Variants in PLEKHA6 observed in about 807,000 individuals in gnomAD.
PLEKHA6 encodes pleckstrin homology domain containing A6.
A neutral mutation model predicts 116.7 loss-of-function variants in PLEKHA6; 60 were observed. That is an observed-to-expected ratio of 0.51 (90% CI 0.42 to 0.64). PLEKHA6 has a LOEUF of 0.64. PLEKHA6 is among the 30% of genes least tolerant of loss of function. The probability of loss-of-function intolerance (pLI) is 0.00; values close to 1 mark genes in which losing one functional copy is unlikely to be tolerated. For missense variants in PLEKHA6, 1,338 were observed against 1,422.7 expected, an observed-to-expected ratio of 0.94 and a Z score of 0.96; for synonymous variants, 489 against 556.1, an observed-to-expected ratio of 0.88 and a Z score of 1.70.
rs961940969 is a variant in PLEKHA6, at chr1:204,223,497, G to A, written c.3120C>T (p.Ala1040=). Reference sequence around the variant, plus strand: ...AGACCCGCATGGTATAGCTGCTGTCGGCGCCCCGTGGGGATTCAGACGACA... The same window carrying A: ...AGACCCGCATGGTATAGCTGCTGTCAGCGCCCCGTGGGGATTCAGACGACA... ...NPLSSESPRG[A]DSSYTMRV is the part of the protein sequence containing the mutation. Residue 1040 remains alanine (A), a synonymous_variant, in exon 22 of 23, where the codon GCC becomes GCT. Coordinates refer to ENST00000272203, the MANE Select transcript of PLEKHA6 (RefSeq NM_014935.5). The surrounding 1 kb of genome is among the most constrained non-coding windows in gnomAD (Gnocchi z 4.8). The A allele has an allele frequency of 9.3e-5, 144 of 1,549,234 alleles. No homozygotes were observed. Among genetic ancestry groups the A allele is most frequent in the Non-Finnish European group, 1.2e-4 (136 of 1,144,964 alleles).
At chr1:204,324,520 A>G (rs1376120604) in intron 1 of PLEKHA6, among the ~76,000 whole-genome samples, 2 of 152,194 alleles carry the variant, frequency 1.3e-5, no homozygotes, top group Non-Finnish European at 2.9e-5. Context: ...TCTCACCATC[A>G]ATAAGACAAG....
intron 1 of PLEKHA6, chr1:204,296,952 G>C (rs771040616): frequency 1.0e-5 from 2 of 199,232 alleles, no homozygotes; most frequent in Non-Finnish European, 1.8e-5. Context: ...GCAGTACCAT[G>C]GAAAGCTTAT....
At chr1:204,260,979 C>G (rs1047431032) in intron 7 of PLEKHA6, among the ~76,000 whole-genome samples, 7 of 152,178 alleles carry the variant, frequency 4.6e-5, no homozygotes, top group African/African-American at 1.7e-4. Context: ...TATTTTCCTC[C>G]AAAGGCGGTG....
intron 1 of PLEKHA6, among the ~76,000 whole-genome samples, chr1:204,321,018 G>A (rs1672042703): frequency 1.3e-5 from 2 of 152,142 alleles, no homozygotes; most frequent in Admixed American, 6.5e-5. Context: ...AGATGATGAA[G>A]GGGGAGGTCC....
At chr1:204,248,682 G>GT in intron 12 of PLEKHA6, 139 bp downstream of exon 12, 1 of 681,058 alleles carries the variant, frequency 1.5e-6, no homozygotes, top group Non-Finnish European at 2.5e-6. Flanking sequence ...TGAGGTCTTT[G>GT]TTTATGCCCC....
Position 204,326,452 on chromosome 1 carries a change from C to T in PLEKHA6, c.-95+33242G>A, listed in dbSNP as rs567057591. Among the ~76,000 whole-genome samples the T allele has an allele frequency of 3.0e-4, 46 of 152,362 alleles. 1 individual carries two copies. The South Asian group carries it at 9.5e-3, about 32-fold the overall frequency. ...CCATGAGAGCACAGATAGACAGAGG[C>T]TTCCCAGCTCTCATTCTAACAAGAC... On this transcript the variant is annotated intron_variant, in intron 1 of 22. Transcript: ENST00000272203.
intron 1 of PLEKHA6, among the ~76,000 whole-genome samples, chr1:204,311,264 G>T (rs1366643679): frequency 1.3e-5 from 2 of 152,218 alleles, no homozygotes; most frequent in African/African-American, 4.8e-5. Context: ...GGCTGAGGCA[G>T]GCAGATCACC....
Position 204,373,529 on chromosome 1 carries a change from C to T in PLEKHA6, c.84-1923G>A, listed in dbSNP as rs183731677. Among the ~76,000 whole-genome samples the T allele has an allele frequency of 7.6e-4, 116 of 152,274 alleles. 2 individuals are homozygous for T. Among genetic ancestry groups the T allele is most frequent in the African/African-American group, 2.8e-3 (115 of 41,562 alleles). On this transcript the variant is annotated intron_variant, in intron 1 of 4. Coordinates refer to the PLEKHA6 transcript ENST00000564627. The stretch of plus-strand genomic sequence containing the variant: ...CCACAGCACCCAGCTGTCTGACTTT[C>T]GTGCTTTTTTCCATATTGTGGTGTG...
At chr1:204,283,702 A>G (rs1668877069) in intron 1 of PLEKHA6, among the ~76,000 whole-genome samples, 1 of 152,186 alleles carries the variant, frequency 6.6e-6, no homozygotes, top group Non-Finnish European at 1.5e-5. Flanking sequence ...CCAGCTTTTC[A>G]AGGTCTGCTC....
chr1:204,325,465 A>G (rs1672209099), intron 1 of PLEKHA6, among the ~76,000 whole-genome samples: 1 of 152,130 alleles, frequency 6.6e-6, no homozygotes, highest in Admixed American at 6.5e-5. Flanking sequence ...ACGTAAATAA[A>G]TATCTGGTTT....
Position 204,244,866 on chromosome 1 carries a change from C to G in PLEKHA6, c.2170G>C (p.Glu724Gln). 2 of 1,566,336 alleles carry G rather than the reference C, an allele frequency of 1.3e-6. No individual in the cohort carries two copies. Among genetic ancestry groups the G allele is most frequent in the Non-Finnish European group, 1.7e-6 (2 of 1,154,710 alleles). The change falls in exon 15 of 23, where the codon GAG (glutamate) becomes CAG (glutamine). Residue 724 changes from glutamate to glutamine, a missense_variant and splice_region_variant. Transcript: ENST00000272203. Reference protein sequence around the residue: ...QGSPTKPGSNEPKANYEQSKK... With the variant: ...QGSPTKPGSNQPKANYEQSKK... ...TTCTACTCCATTTCTCAACTTACCTCGTTGGAGCCAGGCTTGGTGGGGGAC... is the reference window on the plus strand; with the variant it reads ...TTCTACTCCATTTCTCAACTTACCTGGTTGGAGCCAGGCTTGGTGGGGGAC...
intron 3 of PLEKHA6, among the ~76,000 whole-genome samples, chr1:204,367,276 G>A (rs1310287470): frequency 6.6e-6 from 1 of 152,200 alleles, no homozygotes; most frequent in African/African-American, 2.4e-5. Flanking sequence ...CAACTCCTAG[G>A]AGGAAAATAG....
At chr1:204,272,952 C>T (rs894932277) in intron 3 of PLEKHA6, among the ~76,000 whole-genome samples, 1 of 152,160 alleles carries the variant, frequency 6.6e-6, no homozygotes, top group African/African-American at 2.4e-5. Flanking sequence ...GCTCTTTCTA[C>T]ATCTCCTCTC....
chr1:204,230,381 C>T, intron 18 of PLEKHA6, 32 bp downstream of exon 18: 1 of 1,525,072 alleles, frequency 6.6e-7, no homozygotes, highest in South Asian at 1.3e-5. Flanking sequence ...AGATGCCAGG[C>T]TCACGCCTGT....
intron 1 of PLEKHA6, among the ~76,000 whole-genome samples, chr1:204,316,709 A>G (rs554830334): frequency 5.3e-5 from 8 of 152,332 alleles, no homozygotes; most frequent in African/African-American, 1.7e-4. Context: ...ATTTAAGCCC[A>G]TTCTCCACTG....
chr1:204,279,924 T>C (rs1668421699), intron 1 of PLEKHA6, among the ~76,000 whole-genome samples: 1 of 152,172 alleles, frequency 6.6e-6, no homozygotes, highest in African/African-American at 2.4e-5. Flanking sequence ...ATATAGACCA[T>C]TTTTTGCAGA....
Position 204,245,604 on chromosome 1 carries a change from GA to G in PLEKHA6, c.2032+10del. On this transcript the variant is annotated intron_variant, in intron 14 of 22. Coordinates refer to ENST00000272203, the MANE Select transcript of PLEKHA6 (RefSeq NM_014935.5). ...CAGGCAGCCTAGGAGGCTGGCACAG[GA>G]GGCACCCACCTCTGTGCTTGGCGGT... The G allele has an allele frequency of 6.5e-7, 1 of 1,548,158 alleles. No individual in the cohort carries two copies. Among genetic ancestry groups the G allele is most frequent in the Non-Finnish European group, 8.9e-7 (1 of 1,120,914 alleles).
At chr1:204,374,906 C>T (rs776947419) in intron 1 of PLEKHA6, among the ~76,000 whole-genome samples, 7 of 152,302 alleles carry the variant, frequency 4.6e-5, no homozygotes, top group South Asian at 2.1e-4. Context: ...CTTTCCTAGA[C>T]GTCATTAGAG....
chr1:204,223,378 A>G lies in PLEKHA6; in HGVS notation c.*8+84T>C. Reference sequence around the variant, plus strand: ...GGGGTAGGGGAGAAGCAATACCAAAATGAGAGGGCATAGATGGCTCAATGG... The same window carrying G: ...GGGGTAGGGGAGAAGCAATACCAAAGTGAGAGGGCATAGATGGCTCAATGG... On this transcript the variant is annotated intron_variant, in intron 22 of 22. Transcript: ENST00000272203. This position sits in a 1 kb window ranked among gnomAD's most constrained non-coding sequence, Gnocchi z 4.8. The G allele has an allele frequency of 1.3e-6, 1 of 741,660 alleles. No individual in the cohort carries two copies. Among genetic ancestry groups the G allele is most frequent in the Non-Finnish European group, 2.5e-6 (1 of 407,550 alleles). The allele number at this position is 741,660 out of a possible 1,614,324, so 45.9% of individuals were successfully genotyped here.
Sources: gnomAD v4.1 joint callset for allele counts (sites outside exome capture counted in the v4.1 genomes callset) on GRCh38, gnomAD v4.1.1 for gene constraint, Gnocchi (gnomAD v3.1) non-coding constraint, MANE v1.5 for transcripts, NCBI Gene and HGNC (gene_info 2026-07-23, HGNC 2026-07-21) for gene names.